SPPL3: variants seen among roughly 807,000 people sequenced by gnomAD.
SPPL3 encodes the protein signal peptide peptidase like 3.
SPPL3 carries 5 observed loss-of-function variants against 42.4 expected under a neutral mutation model. The ratio of observed to expected loss-of-function variants is 0.12; its 90% CI spans 0.06 to 0.25. The LOEUF is 0.25. Ranked by LOEUF, SPPL3 falls within the 10% of genes least tolerant of loss-of-function variation. The pLI is 1.00. For synonymous variants in SPPL3, 195 were observed against 181.8 expected (o/e 1.07, Z -0.58); for missense variants, 235 against 489.0 (o/e 0.48, Z 4.90).
At chr12:120,894,654 A>G (rs987150555) in intron 1 of SPPL3, among the ~76,000 whole-genome samples, 1 of 152,172 alleles carries the variant, frequency 6.6e-6, no homozygotes, top group East Asian at 1.9e-4. Flanking sequence ...AAGGAAACAG[A>G]TAAACTACTG....
At chr12:120,903,821 G>A in intron 1 of SPPL3, 24 bp downstream of exon 1, 1 of 1,336,260 alleles carries the variant, frequency 7.5e-7, no homozygotes, top group Non-Finnish European at 9.7e-7. Flanking sequence ...GCCGCCTCCC[G>A]GCCTCCCGGA....
chr12:120,846,480 G>C (rs549050124), intron 1 of SPPL3, among the ~76,000 whole-genome samples: 1 of 152,300 alleles, frequency 6.6e-6, no homozygotes, highest in South Asian at 2.1e-4. Context: ...ATAGCTGCTA[G>C]TATTTCCATT....
chr12:120,870,327 C>T (rs1443171020), intron 1 of SPPL3, among the ~76,000 whole-genome samples: 1 of 152,118 alleles, frequency 6.6e-6, no homozygotes, highest in African/African-American at 2.4e-5. Flanking sequence ...TGCCTGTAAT[C>T]CCAGCTACTC....
At chr12:120,781,415 A>G (rs1166538792) in intron 6 of SPPL3, among the ~76,000 whole-genome samples, 1 of 152,082 alleles carries the variant, frequency 6.6e-6, no homozygotes, top group Non-Finnish European at 1.5e-5. Flanking sequence ...ACATGTATTT[A>G]TATCATTAAA....
chr12:120,868,609 G>C (rs1440745333), intron 1 of SPPL3, among the ~76,000 whole-genome samples: 1 of 152,150 alleles, frequency 6.6e-6, no homozygotes, highest in African/African-American at 2.4e-5. Flanking sequence ...AGCCTCCCAA[G>C]TAGCTGGGAC....
chr12:120,880,937 T>A (rs1593009320), intron 1 of SPPL3, among the ~76,000 whole-genome samples: 1 of 117,048 alleles, frequency 8.5e-6, no homozygotes, highest in South Asian at 2.7e-4. Flanking sequence ...GATACACAAA[T>A]GGTCAATAAA....
intron 1 of SPPL3, among the ~76,000 whole-genome samples, chr12:120,851,013 T>C (rs536752894): frequency 1.3e-5 from 2 of 152,306 alleles, no homozygotes; most frequent in South Asian, 4.1e-4. Flanking sequence ...CCTATATTCA[T>C]AGGTTCTAGA....
chr12:120,875,779 T>C (rs767059983), intron 1 of SPPL3, among the ~76,000 whole-genome samples: 5 of 151,994 alleles, frequency 3.3e-5, no homozygotes, highest in African/African-American at 4.8e-5. Flanking sequence ...CAAATGTAAA[T>C]GATACACCTA....
intron 6 of SPPL3, 107 bp from the exon 7 acceptor site, chr12:120,769,166 C>A: frequency 2.4e-6 from 2 of 821,546 alleles, no homozygotes; most frequent in Non-Finnish European, 3.9e-6. Context: ...CCTCAAAAAT[C>A]AGGCAGCCCT....
chr12:120,890,479 C>T (rs113834949), intron 1 of SPPL3, among the ~76,000 whole-genome samples: 29,150 of 150,214 alleles, frequency 0.19, 4,442 homozygotes, highest in African/African-American at 0.41. Context: ...GTCCCAGCTA[C>T]TCGGGAGGCT....
chr12:120,871,133 A>AAAAAAAAAAAAAAAAAAAAAAAAAC (rs1396644476), intron 1 of SPPL3, among the ~76,000 whole-genome samples: 1 of 142,580 alleles, frequency 7.0e-6, no homozygotes, highest in Non-Finnish European at 1.5e-5. Context: ...CCGTCTCCAA[A>AAAAAAAAAAAAAAAAAAAAAAAAAC]AAAAAAAAAA....
intron 1 of SPPL3, among the ~76,000 whole-genome samples, chr12:120,872,972 C>T (rs552816488): frequency 6.6e-6 from 1 of 151,818 alleles, no homozygotes; most frequent in East Asian, 1.9e-4. Flanking sequence ...TCCAGGCATA[C>T]GAAGAAGTGA....
At chr12:120,811,143 T>C (rs908083445) in intron 1 of SPPL3, 1 of 321,512 alleles carries the variant, frequency 3.1e-6, no homozygotes, top group Non-Finnish European at 5.7e-6. Context: ...AAAAATCCCA[T>C]CTCTGTATAT....
chr12:120,778,111 ATTTTTTTT>A (rs57779322), intron 6 of SPPL3, among the ~76,000 whole-genome samples: 1 of 90,942 alleles, frequency 1.1e-5, no homozygotes, highest in Non-Finnish European at 2.0e-5. Flanking sequence ...CTGAAAAGCA[ATTTTTTTT>A]TTTTTTTTTT....
intron 1 of SPPL3, among the ~76,000 whole-genome samples, chr12:120,873,291 A>C (rs1872983838): frequency 6.6e-6 from 1 of 152,236 alleles, no homozygotes; most frequent in African/African-American, 2.4e-5. Flanking sequence ...ATATTAACAA[A>C]GCCTAAGTAA....
intron 2 of SPPL3, among the ~76,000 whole-genome samples, chr12:120,799,454 A>G (rs1157244688): frequency 6.6e-6 from 1 of 152,210 alleles, no homozygotes; most frequent in African/African-American, 2.4e-5. Flanking sequence ...GATCTTCTGT[A>G]GCAGAAAGTA....
chr12:120,843,983 TAAAAC>T lies in SPPL3; in HGVS notation c.24-33102_24-33098del, dbSNP rs948676513. ...AAAATAAATATAACATAACATAACA[TAAAAC>T]AAAACAAAACAAAACATTTGTTCTC... On this transcript the variant is annotated intron_variant, in intron 1 of 10. Transcript: ENST00000353487. 9.4e-5 allele frequency among the ~76,000 whole-genome samples: 14 copies of T among 149,152 alleles called. No individual in the cohort carries two copies. The South Asian group carries it at 1.1e-3, about 11-fold the overall frequency.
intron 1 of SPPL3, among the ~76,000 whole-genome samples, chr12:120,824,262 G>C (rs983614232): frequency 6.6e-6 from 1 of 152,156 alleles, no homozygotes; most frequent in East Asian, 1.9e-4. Flanking sequence ...TATTAAAAAT[G>C]GGACTATTTC....
intron 6 of SPPL3, 35 bp downstream of exon 6, chr12:120,782,619 AG>A: frequency 1.4e-6 from 2 of 1,453,422 alleles, no homozygotes; most frequent in Non-Finnish European, 1.9e-6. Context: ...AACTCTATAA[AG>A]TAAAATTACA....
Sources: gnomAD v4.1 joint callset for allele counts (sites outside exome capture counted in the v4.1 genomes callset) on GRCh38, gnomAD v4.1.1 for gene constraint, MANE v1.5 for transcripts, NCBI Gene and HGNC (gene_info 2026-07-23, HGNC 2026-07-21) for gene names.